The following SUDS3 variants were observed in gnomAD, a reference collection of about 807,000 sequenced individuals.
SUDS3 encodes sin3 histone deacetylase corepressor complex component SDS3.
Under a neutral mutation model 53.5 loss-of-function variants are expected in SUDS3, and 23 were observed. The ratio of observed to expected loss-of-function variants is 0.43; its 90% CI spans 0.31 to 0.61. The LOEUF (loss-of-function observed/expected upper bound fraction) is 0.61, where lower values mean the gene tolerates loss of function less well. SUDS3 is among the 20% of genes least tolerant of loss of function. The probability of loss-of-function intolerance (pLI) is 0.10; values close to 1 mark genes in which losing one functional copy is unlikely to be tolerated. For synonymous variants in SUDS3, 150 were observed against 148.5 expected (o/e 1.01, Z -0.08); for missense variants, 291 against 405.9 (o/e 0.72, Z 2.43).
chr12:118,406,881 G>GC (rs769401366), intron 10 of SUDS3, among the ~76,000 whole-genome samples: 184 of 119,590 alleles, frequency 1.5e-3, no homozygotes, highest in Non-Finnish European at 2.7e-3. Context: ...AACCGCCCCC[G>GC]CCCCCCCATA....
intron 4 of SUDS3, among the ~76,000 whole-genome samples, chr12:118,387,360 T>G (rs981051667): frequency 6.6e-6 from 1 of 152,196 alleles, no homozygotes; most frequent in Admixed American, 6.5e-5. Context: ...TCTGATCCTT[T>G]AAGCAGAATA....
At chr12:118,388,612 C>T (rs1293493642) in intron 4 of SUDS3, among the ~76,000 whole-genome samples, 2 of 152,130 alleles carry the variant, frequency 1.3e-5, no homozygotes, top group Admixed American at 1.3e-4. Flanking sequence ...TAGATGGGTG[C>T]TTTAAGGCAT....
chr12:118,380,269 AT>A (rs1379712033), intron 2 of SUDS3, 38 bp downstream of exon 2: 1 of 1,525,386 alleles, frequency 6.6e-7, no homozygotes, highest in Admixed American at 1.9e-5. Flanking sequence ...GGAACATAGA[AT>A]TGACAACATC....
Position 118,376,812 on chromosome 12 carries a change from C to T in SUDS3, c.121C>T (p.Arg41Trp). 1.3e-6 allele frequency: 2 copies of T among 1,483,480 alleles called. No homozygotes were observed. Among genetic ancestry groups the T allele is most frequent in the Non-Finnish European group, 9.0e-7 (1 of 1,113,914 alleles). 91.9% of individuals were successfully genotyped at this position (1,483,480 alleles called of 1,614,324 possible). Residue 41 changes from arginine to tryptophan, a missense_variant, in exon 1 of 12, where the codon CGG (arginine) becomes TGG (tryptophan). By Grantham distance (101) the Arg-to-Trp change is moderately radical. Coordinates refer to ENST00000543473, the MANE Select transcript of SUDS3 (RefSeq NM_022491.3). ...CGCCGAGGACGACGAGCGCAGCTGT[C>T]GGGGCCGCGAGTCGGACGAAGGTGA... is the stretch of plus-strand genomic sequence containing the variant. ...ESAEDDERSCRGRESDEDTED... is the reference protein window; with the variant it reads ...ESAEDDERSCWGRESDEDTED...
In SUDS3 at chr12:118,400,646, A is replaced by G. The variant is rs758030995; in HGVS notation, c.518-13A>G. ...GGAGTTGGATAGATTTACCCATTCC[A>G]TTCTTGCCACAGATTCTATGGAGGT... On this transcript the variant is annotated splice_polypyrimidine_tract_variant and intron_variant, in intron 6 of 11. Transcript: ENST00000543473. 11 of 1,613,392 alleles carry G rather than the reference A, an allele frequency of 6.8e-6. No homozygotes were observed. Among genetic ancestry groups the G allele is most frequent in the Non-Finnish European group, 8.5e-6 (10 of 1,179,486 alleles).
At chr12:118,410,563 ATTTATTTATTTATTTAT>A (rs1182591749) in intron 10 of SUDS3, among the ~76,000 whole-genome samples, 3 of 131,316 alleles carry the variant, frequency 2.3e-5, no homozygotes, top group Admixed American at 8.0e-5. Context: ...GCCTTTATTT[ATTTATTTATTTATTTAT>A]TTTATTTATT....
intron 6 of SUDS3, among the ~76,000 whole-genome samples, chr12:118,397,677 T>C (rs1305169912): frequency 1.3e-5 from 2 of 152,188 alleles, no homozygotes; most frequent in Non-Finnish European, 2.9e-5. Context: ...AGCAGTCTTT[T>C]GGATAAAATT....
intron 2 of SUDS3, among the ~76,000 whole-genome samples, chr12:118,383,022 G>A (rs1333828978): frequency 6.6e-6 from 1 of 152,138 alleles, no homozygotes; most frequent in African/African-American, 2.4e-5. Flanking sequence ...AATGCCTTGT[G>A]TAATTCAAGG....
At chr12:118,389,502 T>C (rs1593760492) in intron 4 of SUDS3, among the ~76,000 whole-genome samples, 1 of 151,598 alleles carries the variant, frequency 6.6e-6, no homozygotes, top group African/African-American at 2.4e-5. Context: ...GCTGATATGT[T>C]CAGGGCCACA....
At chr12:118,406,999 C>T (rs888032666) in intron 10 of SUDS3, among the ~76,000 whole-genome samples, 2 of 151,692 alleles carry the variant, frequency 1.3e-5, no homozygotes, top group African/African-American at 4.8e-5. Flanking sequence ...CTGGCTCAAG[C>T]GATCTTCCCA....
chr12:118,377,450 G>C (rs2046010045), intron 1 of SUDS3, among the ~76,000 whole-genome samples: 1 of 152,098 alleles, frequency 6.6e-6, no homozygotes, highest in African/African-American at 2.4e-5. Flanking sequence ...TCGGTATAGG[G>C]ATTAAATGAC....
In SUDS3 at chr12:118,377,136, A is replaced by G. The variant is rs79715592; in HGVS notation, c.142+303A>G. ...GATTGAACCTCACTCACTAGTAGGAATTAGAAACTCATTTACTGAATACAT... is the reference window on the plus strand; with the variant it reads ...GATTGAACCTCACTCACTAGTAGGAGTTAGAAACTCATTTACTGAATACAT... On this transcript the variant is annotated intron_variant, in intron 1 of 11. Coordinates refer to ENST00000543473, the MANE Select transcript of SUDS3 (RefSeq NM_022491.3). Among the ~76,000 whole-genome samples the G allele has an allele frequency of 6.4e-3, 971 of 152,140 alleles. 10 individuals are homozygous for G. The highest frequency in any genetic ancestry group is 0.023 in the African/African-American group (938 of 41,504).
chr12:118,391,544 A>G (rs749427789), intron 6 of SUDS3, among the ~76,000 whole-genome samples: 3 of 152,198 alleles, frequency 2.0e-5, no homozygotes, highest in Non-Finnish European at 4.4e-5. Flanking sequence ...TGCCTAGTAC[A>G]GTGTCCTGTG....
In SUDS3 at chr12:118,403,320, C is replaced by T. The variant is rs980327891; in HGVS notation, c.698-92C>T. The T allele has an allele frequency of 8.3e-6, 8 of 964,196 alleles. No individual in the cohort carries two copies. The South Asian group carries it at 1.1e-4, about 14-fold the overall frequency. The allele number at this position is 964,196 out of a possible 1,614,324, so 59.7% of individuals were successfully genotyped here. ...AAGGGCTCAGTGATGATTATTACCA[C>T]ATTCTGATAGTGTTTCAATTAAAGC... On this transcript the variant is annotated intron_variant, in intron 9 of 11. Transcript: ENST00000543473.
intron 4 of SUDS3, 54 bp downstream of exon 4, chr12:118,386,239 G>C (rs1229076309): frequency 1.5e-5 from 21 of 1,405,224 alleles, no homozygotes; most frequent in Non-Finnish European, 5.9e-6. Flanking sequence ...ACCATTTGCC[G>C]ATCGTCGGTG....
chr12:118,377,203 G>A (rs780689327), intron 1 of SUDS3, among the ~76,000 whole-genome samples: 2 of 152,030 alleles, frequency 1.3e-5, no homozygotes, highest in Non-Finnish European at 1.5e-5. Flanking sequence ...GAGCATCAGA[G>A]TCCAAAGTTG....
chr12:118,399,140 A>C (rs1260048507), intron 6 of SUDS3, among the ~76,000 whole-genome samples: 5 of 152,162 alleles, frequency 3.3e-5, no homozygotes, highest in Non-Finnish European at 7.4e-5. Flanking sequence ...TGAATGAAGA[A>C]GAAGGGAGGA....
At chr12:118,389,380 C>T (rs1177882908) in intron 4 of SUDS3, among the ~76,000 whole-genome samples, 1 of 152,144 alleles carries the variant, frequency 6.6e-6, no homozygotes, top group Non-Finnish European at 1.5e-5. Context: ...ACCCATCCTG[C>T]CACTGTGGAG....
At position 118,380,983 on chromosome 12, in the gene SUDS3, G is replaced by A. The variant is rs370061644; in HGVS notation, c.212+752G>A. 1.2e-3 allele frequency among the ~76,000 whole-genome samples: 182 copies of A among 152,254 alleles called. 1 individual carries two copies. Among genetic ancestry groups the A allele is most frequent in the African/African-American group, 4.0e-3 (166 of 41,562 alleles). On this transcript the variant is annotated intron_variant, in intron 2 of 11. Transcript: ENST00000543473. The stretch of plus-strand genomic sequence containing the variant: ...CTTCCAAAGTGCTGGGATTACAGGC[G>A]CGAGCCACTGCGCCCGGACCTTTTT...
Sources: gnomAD v4.1 joint callset for allele counts (sites outside exome capture counted in the v4.1 genomes callset) on GRCh38, gnomAD v4.1.1 for gene constraint, MANE v1.5 for transcripts, NCBI Gene and HGNC (gene_info 2026-07-23, HGNC 2026-07-21) for gene names.